The following ANXA7 variants were observed in gnomAD, a reference collection of about 807,000 sequenced individuals.
ANXA7 encodes annexin VII.
Under a neutral mutation model 64.9 loss-of-function variants are expected in ANXA7, and 55 were observed. That is an observed-to-expected ratio of 0.85 (90% CI 0.68 to 1.06). ANXA7 has a LOEUF of 1.06. ANXA7 is among the 50% of genes least tolerant of loss of function. ANXA7 has a pLI of 0.00. For missense variants in ANXA7, 548 were observed against 582.1 expected (o/e 0.94, Z 0.60); for synonymous variants, 200 against 192.4 (o/e 1.04, Z -0.33).
intron 7 of ANXA7, among the ~76,000 whole-genome samples, chr10:73,386,366 TTGG>T (rs2055369783): frequency 6.6e-6 from 1 of 152,146 alleles, no homozygotes; most frequent in Non-Finnish European, 1.5e-5. Context: ...CATTATATAC[TTGG>T]TACTGTAATA....
chr10:73,379,704 T>C lies in ANXA7; in HGVS notation c.1165+175A>G, dbSNP rs536413845. 596 of 661,860 alleles carry C rather than the reference T, an allele frequency of 9.0e-4. 6 individuals are homozygous for C. The highest frequency in any genetic ancestry group is 1.3e-3 in the South Asian group (69 of 52,950). The allele number at this position is 661,860 out of a possible 1,614,324, so 41.0% of individuals were successfully genotyped here. On this transcript the variant is annotated intron_variant, in intron 11 of 12. Coordinates refer to ENST00000372921, the MANE Select transcript of ANXA7 (RefSeq NM_001156.5). ...GTATGTAAAAACACAGGACTGTTTC[T>C]GGGGGCTTATCCAATAAAGAAAACA...
chr10:73,403,558 T>C (rs1211937717), intron 1 of ANXA7, among the ~76,000 whole-genome samples: 1 of 152,222 alleles, frequency 6.6e-6, no homozygotes, highest in East Asian at 1.9e-4. Context: ...TCATGGCTTA[T>C]TCAATGGCAG....
intron 1 of ANXA7, among the ~76,000 whole-genome samples, chr10:73,401,643 G>A (rs1173731819): frequency 6.6e-6 from 1 of 152,196 alleles, no homozygotes; most frequent in African/African-American, 2.4e-5. Flanking sequence ...GGGATTACAG[G>A]CGTCTGCCAC....
chr10:73,379,770 G>T, intron 11 of ANXA7, 109 bp downstream of exon 11: 1 of 1,084,422 alleles, frequency 9.2e-7, no homozygotes, highest in Non-Finnish European at 1.4e-6. Context: ...ATCAGCTACT[G>T]CCTAAGCAGA....
intron 7 of ANXA7, 99 bp from the exon 8 acceptor site, chr10:73,383,789 TA>T: frequency 1.2e-6 from 1 of 804,318 alleles, no homozygotes; most frequent in Non-Finnish European, 2.0e-6. Flanking sequence ...AATTGCTTTA[TA>T]AAAACCTAAA....
At chr10:73,388,716 G>C (rs1416600489) in intron 5 of ANXA7, among the ~76,000 whole-genome samples, 2 of 152,078 alleles carry the variant, frequency 1.3e-5, no homozygotes, top group Non-Finnish European at 2.9e-5. Flanking sequence ...TGGTAGAATA[G>C]GAAGAAAAAA....
chr10:73,400,693 G>C, intron 2 of ANXA7, 110 bp downstream of exon 2: 1 of 813,522 alleles, frequency 1.2e-6, no homozygotes, highest in Non-Finnish European at 1.9e-6. Flanking sequence ...TAGTACCTCT[G>C]AGCATCTGAA....
intron 1 of ANXA7, among the ~76,000 whole-genome samples, chr10:73,405,834 T>C (rs981996649): frequency 7.2e-5 from 11 of 152,208 alleles, no homozygotes; most frequent in Admixed American, 5.9e-4. Flanking sequence ...AGGCTTTCTG[T>C]ATGTGTATAA....
At chr10:73,387,896 G>A in intron 6 of ANXA7, 113 bp from the exon 7 acceptor site, 2 of 839,878 alleles carry the variant, frequency 2.4e-6, no homozygotes, top group Admixed American at 4.4e-5. Flanking sequence ...CCAGACTGGG[G>A]GTGCAAGTGC....
intron 5 of ANXA7, among the ~76,000 whole-genome samples, chr10:73,389,402 G>T (rs1298904827): frequency 6.6e-6 from 1 of 152,168 alleles, no homozygotes; most frequent in African/African-American, 2.4e-5. Context: ...GAGACAACTG[G>T]TGAAACTGAA....
At chr10:73,381,296 T>G (rs1414716627) in intron 9 of ANXA7, 5 of 152,116 alleles carry the variant, frequency 3.3e-5, no homozygotes, top group African/African-American at 4.8e-5. Context: ...AAATAACTCA[T>G]GTTCTGTTAG....
At chr10:73,404,300 A>T (rs531326790) in intron 1 of ANXA7, among the ~76,000 whole-genome samples, 1 of 152,310 alleles carries the variant, frequency 6.6e-6, no homozygotes, top group East Asian at 1.9e-4. Context: ...AATATCTTTT[A>T]AAAACTGCAG....
chr10:73,378,014 C>T (rs922644385), intron 12 of ANXA7, among the ~76,000 whole-genome samples: 3 of 151,630 alleles, frequency 2.0e-5, no homozygotes, highest in Non-Finnish European at 4.4e-5. Flanking sequence ...GCAATCCTCC[C>T]GCCTTGGCCT....
intron 5 of ANXA7, among the ~76,000 whole-genome samples, chr10:73,391,591 C>T (rs1344210382): frequency 2.6e-5 from 4 of 152,038 alleles, no homozygotes; most frequent in Admixed American, 1.3e-4. Context: ...CAGCCTGACC[C>T]GAGCAGCAGA....
At chr10:73,399,270 G>GT (rs918741322) in intron 2 of ANXA7, among the ~76,000 whole-genome samples, 2 of 152,270 alleles carry the variant, frequency 1.3e-5, no homozygotes, top group African/African-American at 4.8e-5. Context: ...AAATACATTT[G>GT]TTTTTTCATC....
At chr10:73,395,600 A>C (rs1232415578) in intron 5 of ANXA7, among the ~76,000 whole-genome samples, 2 of 152,136 alleles carry the variant, frequency 1.3e-5, no homozygotes, top group Non-Finnish European at 2.9e-5. Context: ...CCTGGCCAAC[A>C]TGGTGAAACC....
chr10:73,385,264 T>C (rs2055348173), intron 7 of ANXA7, among the ~76,000 whole-genome samples: 1 of 152,174 alleles, frequency 6.6e-6, no homozygotes, highest in African/African-American at 2.4e-5. Flanking sequence ...CACTGGAAAC[T>C]TTTCATGCAA....
At chr10:73,407,643 A>G (rs1447408726) in intron 1 of ANXA7, among the ~76,000 whole-genome samples, 1 of 152,244 alleles carries the variant, frequency 6.6e-6, no homozygotes, top group Non-Finnish European at 1.5e-5. Flanking sequence ...TCAGATGCCA[A>G]ATAAACCCAA....
chr10:73,388,372 C>T lies in ANXA7; in HGVS notation c.478G>A (p.Ala160Thr), dbSNP rs745387876. 4.8e-5 allele frequency: 77 copies of T among 1,613,900 alleles called. No homozygotes were observed. Among genetic ancestry groups the T allele is most frequent in the Non-Finnish European group, 6.2e-5 (73 of 1,179,940 alleles). The change falls in exon 6 of 13, where the codon GCT becomes ACT. Residue 160 changes from alanine to threonine, a missense_variant. Coordinates refer to ENST00000372921, the MANE Select transcript of ANXA7 (RefSeq NM_001156.5). ...TQVTQGTIRP[A>T]ANFDAIRDAE... ...TCTCTTATAGCATCGAAGTTGGCAG[C>T]TGGTCGGATAGTTCCTTGAGTGACC...
Sources: gnomAD v4.1 joint callset for allele counts (sites outside exome capture counted in the v4.1 genomes callset) on GRCh38, gnomAD v4.1.1 for gene constraint, MANE v1.5 for transcripts, NCBI Gene and HGNC (gene_info 2026-07-23, HGNC 2026-07-21) for gene names.